FLT3: variants seen among roughly 807,000 people sequenced by gnomAD.
FLT3 encodes the protein fms related receptor tyrosine kinase 3.
In FLT3, 46 loss-of-function variants were observed where a neutral mutation model predicts 126.6. That is an observed-to-expected ratio of 0.36 (90% CI 0.29 to 0.46). The LOEUF is 0.46. Among genes scored for constraint, FLT3 ranks in the 20% least tolerant of loss-of-function variants. FLT3 has a pLI of 1.00. For missense variants in FLT3, 1,069 were observed against 1,190.3 expected (o/e 0.90, Z 1.50); for synonymous variants, 404 against 434.4 (o/e 0.93, Z 0.87).
chr13:28,073,435 T>C (rs747724732), intron 1 of FLT3: 2 of 429,980 alleles, frequency 4.7e-6, no homozygotes, highest in East Asian at 1.3e-4. Context: ...TGTCCAGCCA[T>C]CTTTGTAATC....
chr13:28,049,442 T>C lies in FLT3; in HGVS notation c.978A>G (p.Gly326=), dbSNP rs200546928. 157 of 1,613,718 alleles carry C rather than the reference T, an allele frequency of 9.7e-5. No individual in the cohort carries two copies. Among genetic ancestry groups the C allele is most frequent in the South Asian group, 1.1e-5 (1 of 91,042 alleles). ...GCTTTGAAGAGGAACAAGTGTAGTA[T>C]CCGGTGTCGTTTCTTGCCACTGATG... ...FVSSVARNDT[G]YYTCSSSKHP... Residue 326 remains glycine (G), a synonymous_variant, in exon 8 of 24, where the codon GGA becomes GGG. Coordinates refer to ENST00000241453, the MANE Select transcript of FLT3 (RefSeq NM_004119.3).
rs923396396 is a variant in FLT3 at position 28,050,359 on chromosome 13, T to C, written c.615-137A>G. ...AAAGGTCAAAAGGTAAACAAGCCCA[T>C]ATCTATGGTTTCAGCTAAGAGCTCA... On this transcript the variant is annotated intron_variant, in intron 5 of 23. Transcript: ENST00000241453. 7 of 758,054 alleles carry C rather than the reference T, an allele frequency of 9.2e-6. No homozygotes were observed. The Admixed American group carries it at 1.6e-4, about 17-fold the overall frequency. The allele number at this position is 758,054 out of a possible 1,614,324, so 47.0% of individuals were successfully genotyped here.
chr13:28,099,534 A>G (rs1194201249), intron 1 of FLT3, among the ~76,000 whole-genome samples: 1 of 152,040 alleles, frequency 6.6e-6, no homozygotes, highest in Non-Finnish European at 1.5e-5. Context: ...GCTGAAGGGG[A>G]CTCGGACGGA....
intron 23 of FLT3, among the ~76,000 whole-genome samples, chr13:28,013,727 T>C (rs1307796151): frequency 2.6e-5 from 4 of 152,342 alleles, no homozygotes; most frequent in Non-Finnish European, 5.9e-5. Context: ...GTGGTACAGC[T>C]GGTATTCAAC....
intron 23 of FLT3, among the ~76,000 whole-genome samples, chr13:28,006,802 T>A (rs1473235421): frequency 1.3e-5 from 2 of 151,358 alleles, no homozygotes; most frequent in Non-Finnish European, 2.9e-5. Flanking sequence ...GCTGGAGTGT[T>A]GTGGCATGAT....
At position 28,050,083 on chromosome 13, in the gene FLT3, T is replaced by C; in HGVS notation, c.742+12A>G. The C allele has an allele frequency of 6.2e-7, 1 of 1,613,748 alleles. No individual in the cohort carries two copies. Among genetic ancestry groups the C allele is most frequent in the Non-Finnish European group, 8.5e-7 (1 of 1,179,802 alleles). On this transcript the variant is annotated intron_variant, in intron 6 of 23. Coordinates refer to ENST00000241453, the MANE Select transcript of FLT3 (RefSeq NM_004119.3). ...TCACTGAAAATGAAAGTGCATGATA[T>C]TATAGTGTTACCTATTGTGAACAGC...
chr13:28,050,250 G>T (rs764307933), intron 5 of FLT3, 28 bp from the exon 6 acceptor site: 96 of 1,610,842 alleles, frequency 6.0e-5, no homozygotes, highest in Non-Finnish European at 8.0e-5. Flanking sequence ...GTACCATTTG[G>T]CTAAACAAGT....
intron 6 of FLT3, 145 bp downstream of exon 6, chr13:28,049,950 G>T: frequency 1.8e-6 from 2 of 1,135,024 alleles, no homozygotes; most frequent in South Asian, 1.6e-5. Flanking sequence ...AGCATTTACA[G>T]AATCCATAAT....
chr13:28,030,007 CA>C lies in FLT3; in HGVS notation c.1943-1720del, dbSNP rs1473002234. ...GGCAGGGTCTCTGGACTTCCCTCTC[CA>C]GGCTCCAGGCACCACCCCTCTGTGA... On this transcript the variant is annotated intron_variant, in intron 15 of 23. Coordinates refer to ENST00000241453, the MANE Select transcript of FLT3 (RefSeq NM_004119.3). Among the ~76,000 whole-genome samples, 3 of 152,226 alleles carry C rather than the reference CA, an allele frequency of 2.0e-5. No individual in the cohort carries two copies. In the East Asian group the frequency reaches 5.8e-4, roughly 29 times the overall value.
At chr13:28,016,896 A>G (rs1438616824) in intron 20 of FLT3, among the ~76,000 whole-genome samples, 3 of 152,156 alleles carry the variant, frequency 2.0e-5, no homozygotes, top group Non-Finnish European at 4.4e-5. Context: ...TTGACTTTTC[A>G]CATTTACTGG....
In FLT3 at chr13:28,099,644, G is replaced by A. The variant is rs184373687; in HGVS notation, c.43+824C>T. Among the ~76,000 whole-genome samples the A allele has an allele frequency of 2.8e-4, 42 of 152,248 alleles. 1 individual carries two copies. In the East Asian group the frequency reaches 8.1e-3, roughly 29 times the overall value. On this transcript the variant is annotated intron_variant, in intron 1 of 23. Transcript: ENST00000241453. Reference sequence around the variant, plus strand: ...AGGGACCGGAGCTGCCGGGCACCCAGAACTCTGTCGCCTTCAACCCAAATT... The same window carrying A: ...AGGGACCGGAGCTGCCGGGCACCCAAAACTCTGTCGCCTTCAACCCAAATT...
At position 28,028,242 on chromosome 13, in the gene FLT3, C is replaced by T; in HGVS notation, c.1989G>A (p.Lys663=). The part of the protein sequence containing the change: ...SEREALMSEL[K]MMTQLGSHEN... ...CGTGGCTTCCCAGCTGGGTCATCAT[C>T]TTGAGTTCTGACATGAGTGCCTCTC... Residue 663 remains lysine (K), a synonymous_variant, in exon 16 of 24, where the codon AAG becomes AAA. Transcript: ENST00000241453. The T allele has an allele frequency of 6.2e-7, 1 of 1,612,096 alleles. No individual in the cohort carries two copies. Among genetic ancestry groups the T allele is most frequent in the Non-Finnish European group, 8.5e-7 (1 of 1,178,164 alleles).
Position 28,035,474 on chromosome 13 carries a change from T to C in FLT3, c.1597+21A>G, listed in dbSNP as rs1235219367. The C allele has an allele frequency of 3.7e-6, 6 of 1,600,482 alleles. No individual in the cohort carries two copies. In the South Asian group the frequency reaches 5.7e-5, roughly 15 times the overall value. ...GTGGGGAATTCCTGATGGTGGAATA[T>C]CACAAGAACAACTGTTGTACCTGGA... is the stretch of plus-strand genomic sequence containing the variant. On this transcript the variant is annotated intron_variant, in intron 12 of 23. Coordinates refer to ENST00000241453, the MANE Select transcript of FLT3 (RefSeq NM_004119.3).
intron 5 of FLT3, among the ~76,000 whole-genome samples, chr13:28,050,838 A>G (rs909912769): frequency 1.2e-4 from 9 of 74,440 alleles, no homozygotes; most frequent in Non-Finnish European, 2.6e-4. Flanking sequence ...ATTTGGTCCT[A>G]TTTTAAAAAA....
chr13:28,069,508 A>G (rs1159028477), intron 2 of FLT3, among the ~76,000 whole-genome samples: 1 of 152,200 alleles, frequency 6.6e-6, no homozygotes, highest in East Asian at 1.9e-4. Flanking sequence ...AAATCTACCT[A>G]TATACTGGGG....
chr13:28,047,813 A>G (rs1875037228), intron 9 of FLT3, among the ~76,000 whole-genome samples: 1 of 152,040 alleles, frequency 6.6e-6, no homozygotes, highest in African/African-American at 2.4e-5. Flanking sequence ...GGAAAACAAC[A>G]TTTTCCTTCA....
At chr13:28,096,383 G>A (rs946431028) in intron 1 of FLT3, among the ~76,000 whole-genome samples, 1 of 151,776 alleles carries the variant, frequency 6.6e-6, no homozygotes, top group African/African-American at 2.4e-5. Flanking sequence ...GTTTTAGGGG[G>A]CAAAAAACTG....
At chr13:28,072,033 C>A (rs73154873) in intron 1 of FLT3, among the ~76,000 whole-genome samples, 26,873 of 151,646 alleles carry the variant, frequency 0.18, 2,450 homozygotes, top group Middle Eastern at 0.26. Context: ...CTTTGTCTTT[C>A]TATGTTTATA....
rs905773056 is a variant in FLT3, at chr13:28,008,214, C to T, written c.2860-4040G>A. On this transcript the variant is annotated intron_variant, in intron 23 of 23. Transcript: ENST00000241453. ...GAATTTTTAAAAAGTACTCAGGAAGCTGAGGTGGGAGGATCGCTTGATTCC... is the reference window on the plus strand; with the variant it reads ...GAATTTTTAAAAAGTACTCAGGAAGTTGAGGTGGGAGGATCGCTTGATTCC... Among the ~76,000 whole-genome samples the T allele has an allele frequency of 2.2e-5, 3 of 133,512 alleles. No individual in the cohort carries two copies. The Admixed American group carries it at 2.8e-4, about 12-fold the overall frequency. 87.6% of individuals were successfully genotyped at this position (133,512 alleles called of 152,430 possible). A position where few individuals can be genotyped will look rare whatever the true frequency, so the allele number is the denominator to read the frequency against.
Sources: gnomAD v4.1 joint callset for allele counts (sites outside exome capture counted in the v4.1 genomes callset) on GRCh38, gnomAD v4.1.1 for gene constraint, MANE v1.5 for transcripts, NCBI Gene and HGNC (gene_info 2026-07-23, HGNC 2026-07-21) for gene names.